Variants in CREBRF observed in about 807,000 individuals in gnomAD.
CREBRF encodes UPF0474 protein C5orf41.
Under a neutral mutation model 66.1 loss-of-function variants are expected in CREBRF, and 5 were observed. The ratio of observed to expected loss-of-function variants is 0.08; its 90% CI spans 0.04 to 0.16. CREBRF has a LOEUF of 0.16. CREBRF is among the 10% of genes least tolerant of loss of function. The pLI is 1.00. For synonymous variants in CREBRF, 229 were observed against 264.4 expected (o/e 0.87, Z 1.30); for missense variants, 531 against 744.9 (o/e 0.71, Z 3.34).
chr5:173,091,573 A>G (rs1758341074), intron 4 of CREBRF, 172 bp downstream of exon 4: 2 of 1,415,288 alleles, frequency 1.4e-6, no homozygotes, highest in Non-Finnish European at 1.8e-6. Flanking sequence ...TAGCTCTAAA[A>G]TGATCACTTT....
chr5:173,133,089 C>G (rs1174423923), intron 8 of CREBRF, among the ~76,000 whole-genome samples: 1 of 152,184 alleles, frequency 6.6e-6, no homozygotes. Context: ...CTGCTCCCAC[C>G]TTTCTCCCTC....
intron 7 of CREBRF, among the ~76,000 whole-genome samples, chr5:173,115,668 C>T (rs187113302): frequency 2.0e-5 from 3 of 151,846 alleles, no homozygotes; most frequent in Non-Finnish European, 4.4e-5. Flanking sequence ...GACGGAGTCT[C>T]GCTCTGTCGC....
chr5:173,125,186 T>C (rs1276687575), intron 8 of CREBRF, among the ~76,000 whole-genome samples: 1 of 152,080 alleles, frequency 6.6e-6, no homozygotes, highest in Non-Finnish European at 1.5e-5. Context: ...CACTTTTTCT[T>C]GAATCATTTT....
intron 3 of CREBRF, 66 bp downstream of exon 3, chr5:173,086,692 T>C: frequency 7.0e-7 from 1 of 1,433,408 alleles, no homozygotes; most frequent in Non-Finnish European, 9.4e-7. Flanking sequence ...GAGAGTTTTT[T>C]GTTTATAAAT....
chr5:173,090,036 G>C lies in CREBRF; in HGVS notation c.136-279G>C, dbSNP rs1719586591. On this transcript the variant is annotated intron_variant, in intron 3 of 8. Coordinates refer to ENST00000296953, the MANE Select transcript of CREBRF (RefSeq NM_153607.3). This position sits in a 1 kb window ranked among gnomAD's most constrained non-coding sequence, Gnocchi z 4.5. ...GGCAGAATGTTTATGGTAAACTCAA[G>C]AGCCCTTGATATTTGGATCATACCT... Among the ~76,000 whole-genome samples the C allele has an allele frequency of 6.6e-6, 1 of 151,896 alleles. No homozygotes were observed. Among genetic ancestry groups the C allele is most frequent in the South Asian group, 2.1e-4 (1 of 4,816 alleles).
chr5:173,118,712 T>C (rs1759066351), intron 7 of CREBRF, among the ~76,000 whole-genome samples: 1 of 151,920 alleles, frequency 6.6e-6, no homozygotes, highest in Non-Finnish European at 1.5e-5. Context: ...TTTATCTTCC[T>C]TTATGTGGAT....
intron 6 of CREBRF, among the ~76,000 whole-genome samples, chr5:173,111,236 A>G (rs1478404971): frequency 6.6e-6 from 1 of 151,652 alleles, no homozygotes; most frequent in East Asian, 1.9e-4. Context: ...TGTCATGTAC[A>G]TGGAATATAC....
At chr5:173,101,243 G>A (rs966909986) in intron 4 of CREBRF, among the ~76,000 whole-genome samples, 23 of 151,766 alleles carry the variant, frequency 1.5e-4, no homozygotes, top group Non-Finnish European at 2.1e-4. Context: ...TTTTTGTAGA[G>A]ATGGGGTTTT....
chr5:173,116,595 G>A (rs1279750531), intron 7 of CREBRF, among the ~76,000 whole-genome samples: 2 of 152,226 alleles, frequency 1.3e-5, no homozygotes, highest in South Asian at 4.1e-4. Context: ...GTATTCCATT[G>A]TATGGATGTA....
chr5:173,128,537 T>C (rs962448537), intron 8 of CREBRF, among the ~76,000 whole-genome samples: 2 of 151,942 alleles, frequency 1.3e-5, no homozygotes, highest in African/African-American at 4.8e-5. Flanking sequence ...TTTCATCTCA[T>C]ATTTTCTGTG....
At chr5:173,108,023 G>A (rs1438232679) in intron 4 of CREBRF, among the ~76,000 whole-genome samples, 2 of 150,056 alleles carry the variant, frequency 1.3e-5, no homozygotes, top group African/African-American at 4.9e-5. Flanking sequence ...TAGTAGAGAC[G>A]ATTTTGCCAT....
At chr5:173,115,169 C>T (rs1379383919) in intron 7 of CREBRF, among the ~76,000 whole-genome samples, 1 of 150,176 alleles carries the variant, frequency 6.7e-6, no homozygotes, top group Non-Finnish European at 1.5e-5. Flanking sequence ...TGCAATGGCG[C>T]GATCTCGGCT....
At chr5:173,129,106 CTTTTTTTTTT>C (rs70984946) in intron 8 of CREBRF, among the ~76,000 whole-genome samples, 22 of 53,748 alleles carry the variant, frequency 4.1e-4, no homozygotes, top group African/African-American at 1.8e-3. Context: ...TTAGTTACAT[CTTTTTTTTTT>C]TTTTTTTTTT....
At chr5:173,087,926 C>T (rs1248862900) in intron 3 of CREBRF, among the ~76,000 whole-genome samples, 18 of 151,656 alleles carry the variant, frequency 1.2e-4, no homozygotes, top group Admixed American at 9.2e-4. Context: ...CAGGCTCAAG[C>T]GATTCTCCTG....
chr5:173,111,029 CT>C (rs1310648216), intron 6 of CREBRF, among the ~76,000 whole-genome samples: 1 of 151,902 alleles, frequency 6.6e-6, no homozygotes, highest in Non-Finnish European at 1.5e-5. Flanking sequence ...AAATGTATAC[CT>C]TTTAATGTAT....
At chr5:173,087,003 G>A (rs1379407912) in intron 3 of CREBRF, among the ~76,000 whole-genome samples, 4 of 149,610 alleles carry the variant, frequency 2.7e-5, no homozygotes, top group Non-Finnish European at 4.4e-5. Context: ...CTGGAGTGCA[G>A]TGGTGCGATC....
chr5:173,125,065 C>T (rs1759238357), intron 8 of CREBRF, among the ~76,000 whole-genome samples: 1 of 151,798 alleles, frequency 6.6e-6, no homozygotes, highest in East Asian at 1.9e-4. Flanking sequence ...ATTACAGGCA[C>T]CCACCACCAC....
At position 173,136,933 on chromosome 5, in the gene CREBRF, CT is replaced by C; in HGVS notation, c.*3191del. 1 of 151,166 alleles carries C rather than the reference CT, an allele frequency of 6.6e-6. No individual in the cohort carries two copies. The highest frequency in any genetic ancestry group is 2.1e-4 in the South Asian group (1 of 4,792). 9.4% of individuals were successfully genotyped at this position (151,166 alleles called of 1,614,324 possible). Reference sequence around the variant, plus strand: ...CCCATTGTTCCAAAGCAATTATAAACTTTGACTCTAGTACTACTATGATTTA... The same window carrying C: ...CCCATTGTTCCAAAGCAATTATAAACTTGACTCTAGTACTACTATGATTTA... On this transcript the variant is annotated 3_prime_UTR_variant, in exon 9 of 9. Coordinates refer to ENST00000296953, the MANE Select transcript of CREBRF (RefSeq NM_153607.3).
chr5:173,102,412 C>T (rs2113759555), intron 4 of CREBRF, among the ~76,000 whole-genome samples: 1 of 152,150 alleles, frequency 6.6e-6, no homozygotes, highest in Middle Eastern at 3.4e-3. Context: ...TCTGGGTGGG[C>T]TTGCTGAAGG....
Sources: allele counts gnomAD v4.1 joint callset (sites outside exome capture counted in the v4.1 genomes callset), GRCh38; gene constraint gnomAD v4.1.1; non-coding constraint Gnocchi (gnomAD v3.1); transcripts MANE v1.5; gene names NCBI Gene and HGNC (gene_info 2026-07-23, HGNC 2026-07-21).